Variants in STK10 observed in about 807,000 individuals in gnomAD.
The protein encoded by STK10 is serine/threonine kinase 10.
A neutral mutation model predicts 113.8 loss-of-function variants in STK10; 78 were observed. The ratio of observed to expected loss-of-function variants is 0.69; its 90% CI spans 0.57 to 0.83. The LOEUF (loss-of-function observed/expected upper bound fraction) is 0.83. Ranked by LOEUF, STK10 falls within the 40% of genes least tolerant of loss-of-function variation. The pLI, the probability that STK10 is intolerant of heterozygous loss-of-function variation, is 0.00. For synonymous variants in STK10, 465 were observed against 494.7 expected, an observed-to-expected ratio of 0.94 and a Z score of 0.80; for missense variants, 1,109 against 1,280.1, an observed-to-expected ratio of 0.87 and a Z score of 2.04.
chr5:172,183,136 G>A (rs562708220), intron 1 of STK10, among the ~76,000 whole-genome samples: 9 of 152,322 alleles, frequency 5.9e-5, no homozygotes, highest in Middle Eastern at 3.4e-3. Flanking sequence ...GAGCCCAGGA[G>A]TTCGAGGCTG....
At chr5:172,172,515 T>C (rs1424457678) in intron 1 of STK10, among the ~76,000 whole-genome samples, 2 of 152,192 alleles carry the variant, frequency 1.3e-5, no homozygotes, top group East Asian at 3.9e-4. Flanking sequence ...ACTGGCCTCA[T>C]GATGGTGCAG....
At chr5:172,126,420 C>T (rs1452173059) in intron 3 of STK10, among the ~76,000 whole-genome samples, 1 of 152,058 alleles carries the variant, frequency 6.6e-6, no homozygotes, top group African/African-American at 2.4e-5. Flanking sequence ...AAAAATTAGC[C>T]GGGCATGGTC....
chr5:172,090,487 C>G (rs912654871), intron 9 of STK10, 125 bp from the exon 10 acceptor site: 3 of 1,335,712 alleles, frequency 2.2e-6, no homozygotes, highest in Non-Finnish European at 3.1e-6. Flanking sequence ...GAGATGTGGC[C>G]ATCCATCGTC....
intron 3 of STK10, 81 bp downstream of exon 3, chr5:172,127,292 A>G: frequency 6.6e-7 from 1 of 1,521,456 alleles, no homozygotes; most frequent in Non-Finnish European, 9.0e-7. Flanking sequence ...CCAGTCCTAG[A>G]CAGAGCTGTC....
chr5:172,093,216 A>T lies in STK10; in HGVS notation c.1554+196T>A, dbSNP rs766446702. ...ACCAAGCTTTGAAATTTAAACCCAA[A>T]CCAACTGCTTTACATTCCTAAATCC... On this transcript the variant is annotated intron_variant, in intron 9 of 18. Coordinates refer to ENST00000176763, the MANE Select transcript of STK10 (RefSeq NM_005990.4). The surrounding 1 kb of genome is among the most constrained non-coding windows in gnomAD (Gnocchi z 4.1). Among the ~76,000 whole-genome samples the T allele has an allele frequency of 9.9e-5, 15 of 152,112 alleles. No homozygotes were observed. The highest frequency in any genetic ancestry group is 1.8e-4 in the Non-Finnish European group (12 of 68,008).
At chr5:172,182,944 T>C (rs1770889463) in intron 1 of STK10, among the ~76,000 whole-genome samples, 1 of 152,128 alleles carries the variant, frequency 6.6e-6, no homozygotes, top group Non-Finnish European at 1.5e-5. Context: ...CAGTGGCTCA[T>C]ACCTATAATC....
At chr5:172,058,027 T>C (rs1378692281) in intron 14 of STK10, among the ~76,000 whole-genome samples, 1 of 152,192 alleles carries the variant, frequency 6.6e-6, no homozygotes, top group Non-Finnish European at 1.5e-5. Context: ...GTCCCAGGCA[T>C]GCGTTATGAA....
chr5:172,047,977 A>G (rs920471761), intron 18 of STK10, among the ~76,000 whole-genome samples: 43 of 133,036 alleles, frequency 3.2e-4, no homozygotes, highest in Non-Finnish European at 6.2e-4. Context: ...ATCTTGGCTC[A>G]CTGCAACCTC....
intron 1 of STK10, among the ~76,000 whole-genome samples, chr5:172,170,409 A>T (rs960476510): frequency 2.0e-5 from 3 of 152,166 alleles, no homozygotes; most frequent in Admixed American, 2.0e-4. Flanking sequence ...ACCACTTCCC[A>T]ATCAATCATC....
At chr5:172,108,963 T>C (rs1291176696) in intron 4 of STK10, among the ~76,000 whole-genome samples, 1 of 152,020 alleles carries the variant, frequency 6.6e-6, no homozygotes, top group Non-Finnish European at 1.5e-5. Context: ...TTTTGTATTT[T>C]TAGTAGAGAT....
At chr5:172,175,406 A>C (rs980413269) in intron 1 of STK10, among the ~76,000 whole-genome samples, 6 of 152,054 alleles carry the variant, frequency 3.9e-5, no homozygotes, top group African/African-American at 1.4e-4. Flanking sequence ...AGAAGGGAGA[A>C]GGAAGCCTTT....
intron 13 of STK10, 27 bp from the exon 14 acceptor site, chr5:172,061,295 T>C: frequency 6.3e-7 from 1 of 1,595,184 alleles, no homozygotes; most frequent in East Asian, 2.2e-5. Context: ...GGACAGGCCT[T>C]TATCCAGAGC....
intron 2 of STK10, among the ~76,000 whole-genome samples, chr5:172,151,060 AAG>A (rs1359608549): frequency 7.2e-5 from 11 of 152,356 alleles, no homozygotes. Flanking sequence ...CCGGGGACCA[AAG>A]AGAACAGAAA....
intron 12 of STK10, among the ~76,000 whole-genome samples, chr5:172,076,143 C>A (rs1369854823): frequency 6.8e-6 from 1 of 147,468 alleles, no homozygotes; most frequent in Non-Finnish European, 1.5e-5. Context: ...GTTGTGGGGG[C>A]TGTCCTGTGC....
intron 1 of STK10, among the ~76,000 whole-genome samples, chr5:172,157,802 GC>G (rs1770382718): frequency 6.6e-6 from 1 of 152,008 alleles, no homozygotes; most frequent in Non-Finnish European, 1.5e-5. Flanking sequence ...CATTGGCTGG[GC>G]TGGTCTCGAA....
chr5:172,064,635 T>C (rs1768025239), intron 13 of STK10, 85 bp downstream of exon 13: 5 of 1,425,626 alleles, frequency 3.5e-6, no homozygotes, highest in Non-Finnish European at 4.9e-6. Context: ...GGGGCAGGGA[T>C]TGGGCAAAGG....
rs535151272 is a variant in STK10 at position 172,181,436 on chromosome 5, C to T, written c.156+6451G>A. ...GATAATTGTCTTCTATTACGTATTA[C>T]GTAAAGCGCCTAGCACAGTGCCTGG... On this transcript the variant is annotated intron_variant, in intron 1 of 18. Transcript: ENST00000176763. Among the ~76,000 whole-genome samples the T allele has an allele frequency of 4.6e-5, 7 of 151,896 alleles. No individual in the cohort carries two copies. In the South Asian group the frequency reaches 1.0e-3, roughly 23 times the overall value.
Position 172,117,585 on chromosome 5 carries a change from C to A in STK10, c.416G>T (p.Arg139Leu), listed in dbSNP as rs374495662. The A allele has an allele frequency of 5.9e-5, 95 of 1,613,858 alleles. No homozygotes were observed. Among genetic ancestry groups the A allele is most frequent in the South Asian group, 5.1e-4 (46 of 91,060 alleles). Reference protein sequence around the residue: ...LTEPQIQVVCRQMLEALNFLH... With the variant: ...LTEPQIQVVCLQMLEALNFLH... ...GAAGTTGAGGGCTTCTAGCATCTGG[C>A]GGCAAACCACCTGTATCTGGGGCTC... Residue 139 changes from arginine (R) to leucine (L), a missense_variant, in exon 4 of 19, where the codon CGC becomes CTC. Transcript: ENST00000176763.
intron 1 of STK10, among the ~76,000 whole-genome samples, chr5:172,182,497 C>T (rs1770875375): frequency 6.6e-6 from 1 of 151,474 alleles, no homozygotes; most frequent in Non-Finnish European, 1.5e-5. Flanking sequence ...TATCCTCCCA[C>T]CTCAGCCTCC....
Sources: gnomAD v4.1 joint callset for allele counts (sites outside exome capture counted in the v4.1 genomes callset) on GRCh38, gnomAD v4.1.1 for gene constraint, Gnocchi (gnomAD v3.1) non-coding constraint, MANE v1.5 for transcripts, NCBI Gene and HGNC (gene_info 2026-07-23, HGNC 2026-07-21) for gene names.